The following FBXL7 variants were observed in gnomAD, a reference collection of about 807,000 sequenced individuals.
The protein encoded by FBXL7 is F-box and leucine rich repeat protein 7.
In FBXL7, 12 loss-of-function variants were observed where a neutral mutation model predicts 38.3. The observed-to-expected ratio is 0.31, with a 90% CI of 0.20 to 0.51. The LOEUF is 0.51. FBXL7 is among the 20% of genes least tolerant of loss of function. FBXL7 has a pLI of 0.98. For missense variants in FBXL7, 567 were observed against 676.4 expected (o/e 0.84, Z 1.79); for synonymous variants, 297 against 300.9 (o/e 0.99, Z 0.13).
At chr5:15,838,379 G>T (rs888047552) in intron 2 of FBXL7, among the ~76,000 whole-genome samples, 4 of 152,004 alleles carry the variant, frequency 2.6e-5, no homozygotes, top group African/African-American at 7.2e-5. Flanking sequence ...AAGATGCGAG[G>T]GGTCTCTTTT....
chr5:15,874,451 C>T (rs182082749), intron 2 of FBXL7, among the ~76,000 whole-genome samples: 125 of 152,222 alleles, frequency 8.2e-4, no homozygotes, highest in Non-Finnish European at 9.4e-4. Flanking sequence ...AAAGCATATT[C>T]AAATAGGAAG....
intron 1 of FBXL7, among the ~76,000 whole-genome samples, chr5:15,506,287 G>A (rs952416121): frequency 8.6e-5 from 13 of 151,986 alleles, no homozygotes; most frequent in African/African-American, 2.9e-4. Flanking sequence ...TTCGATCACC[G>A]AGATGGCTAT....
At chr5:15,562,776 C>G (rs1265271534) in intron 1 of FBXL7, among the ~76,000 whole-genome samples, 1 of 152,000 alleles carries the variant, frequency 6.6e-6, no homozygotes, top group Non-Finnish European at 1.5e-5. Flanking sequence ...TTTCCATGTG[C>G]CAGACACTGT....
At chr5:15,626,760 A>C (rs1184855462) in intron 2 of FBXL7, among the ~76,000 whole-genome samples, 1 of 152,190 alleles carries the variant, frequency 6.6e-6, no homozygotes, top group South Asian at 2.1e-4. Flanking sequence ...AAAGCACCAA[A>C]AAACTAATCA....
intron 2 of FBXL7, among the ~76,000 whole-genome samples, chr5:15,729,286 T>G (rs1389904091): frequency 6.6e-6 from 1 of 152,188 alleles, no homozygotes; most frequent in Non-Finnish European, 1.5e-5. Flanking sequence ...TCTGAATTGA[T>G]TGTTCTGGAT....
At chr5:15,785,750 A>T (rs1737117591) in intron 2 of FBXL7, among the ~76,000 whole-genome samples, 1 of 152,248 alleles carries the variant, frequency 6.6e-6, no homozygotes, top group South Asian at 2.1e-4. Flanking sequence ...CTACTGTCCC[A>T]GTGATAATTC....
intron 2 of FBXL7, among the ~76,000 whole-genome samples, chr5:15,711,215 A>G (rs989774374): frequency 1.3e-5 from 2 of 152,140 alleles, no homozygotes; most frequent in Non-Finnish European, 2.9e-5. Context: ...GTGAGAATGG[A>G]CTTATAACAC....
At chr5:15,831,575 A>T (rs1738457142) in intron 2 of FBXL7, among the ~76,000 whole-genome samples, 1 of 152,098 alleles carries the variant, frequency 6.6e-6, no homozygotes, top group South Asian at 2.1e-4. Context: ...TAAGCACAGA[A>T]CTCTTATAAA....
At chr5:15,920,688 T>C (rs1462844518) in intron 2 of FBXL7, among the ~76,000 whole-genome samples, 1 of 151,994 alleles carries the variant, frequency 6.6e-6, no homozygotes, top group Admixed American at 6.5e-5. Context: ...GCCCAGCTAA[T>C]TTTTGTATTT....
At chr5:15,624,869 G>GTTTT in intron 2 of FBXL7, among the ~76,000 whole-genome samples, 1 of 135,980 alleles carries the variant, frequency 7.4e-6, no homozygotes, top group East Asian at 2.1e-4. Context: ...GTACATGTTT[G>GTTTT]TTTTTTTTTT....
chr5:15,617,264 G>A (rs1024396766), intron 2 of FBXL7, among the ~76,000 whole-genome samples: 7 of 152,112 alleles, frequency 4.6e-5, no homozygotes, highest in Non-Finnish European at 7.3e-5. Context: ...TCCCAACATC[G>A]TAAGGCTGGC....
At chr5:15,869,588 T>A (rs906560665) in intron 2 of FBXL7, among the ~76,000 whole-genome samples, 1 of 152,146 alleles carries the variant, frequency 6.6e-6, no homozygotes, top group African/African-American at 2.4e-5. Context: ...AAATAGCAGA[T>A]CCCTAAGCAG....
At chr5:15,611,602 CCTAACT>C (rs1740237707) in intron 1 of FBXL7, among the ~76,000 whole-genome samples, 1 of 151,218 alleles carries the variant, frequency 6.6e-6, no homozygotes, top group African/African-American at 2.5e-5. Flanking sequence ...CTCTCAGGAA[CCTAACT>C]CTGTTTCCCT....
chr5:15,585,298 G>A (rs1423995790), intron 1 of FBXL7, among the ~76,000 whole-genome samples: 1 of 152,180 alleles, frequency 6.6e-6, no homozygotes, highest in Non-Finnish European at 1.5e-5. Flanking sequence ...CATTGTCCAT[G>A]CTTGTAGGGA....
At chr5:15,906,605 C>T (rs551349539) in intron 2 of FBXL7, among the ~76,000 whole-genome samples, 8 of 137,208 alleles carry the variant, frequency 5.8e-5, no homozygotes, top group East Asian at 2.1e-4. Flanking sequence ...CATGCTGGTG[C>T]GCTGCACCCA....
intron 1 of FBXL7, among the ~76,000 whole-genome samples, chr5:15,542,482 A>G (rs1737782145): frequency 6.6e-6 from 1 of 152,188 alleles, no homozygotes; most frequent in Non-Finnish European, 1.5e-5. Context: ...ATTTTCTGTC[A>G]TAAGTGATCA....
At chr5:15,501,646 G>T in intron 1 of FBXL7, 2 of 985,520 alleles carry the variant, frequency 2.0e-6, no homozygotes, top group Non-Finnish European at 2.4e-6. Flanking sequence ...TGGTAGGAAT[G>T]CAGGCTAGCT....
chr5:15,741,424 G>T (rs80091363), intron 2 of FBXL7, among the ~76,000 whole-genome samples: 2,994 of 152,224 alleles, frequency 0.02, 93 homozygotes, highest in African/African-American at 0.068. Flanking sequence ...CATATGAATT[G>T]TCAACTTAAA....
At chr5:15,821,633 C>T (rs1738171678) in intron 2 of FBXL7, among the ~76,000 whole-genome samples, 1 of 152,170 alleles carries the variant, frequency 6.6e-6, no homozygotes, top group African/African-American at 2.4e-5. Context: ...ATCTGAGGCT[C>T]ACAGTTCTAT....
Sources: gnomAD v4.1 joint callset for allele counts (sites outside exome capture counted in the v4.1 genomes callset) on GRCh38, gnomAD v4.1.1 for gene constraint, MANE v1.5 for transcripts, NCBI Gene and HGNC (gene_info 2026-07-23, HGNC 2026-07-21) for gene names.